The following COL22A1 variants were observed in gnomAD, a reference collection of about 807,000 sequenced individuals.
COL22A1 encodes collagen alpha-1(XXII) chain.
In COL22A1, 221 loss-of-function variants were observed where a neutral mutation model predicts 248.9. The ratio of observed to expected loss-of-function variants is 0.89; its 90% CI spans 0.80 to 0.99. The LOEUF (loss-of-function observed/expected upper bound fraction) is 0.99, where lower values mean the gene tolerates loss of function less well. Ranked by LOEUF, COL22A1 falls within the 50% of genes least tolerant of loss-of-function variation. The pLI, the probability that COL22A1 is intolerant of heterozygous loss-of-function variation, is 0.00. For synonymous variants in COL22A1, 891 were observed against 793.4 expected (o/e 1.12, Z -2.07); for missense variants, 2,240 against 2,179.0 (o/e 1.03, Z -0.56).
intron 13 of COL22A1, 146 bp downstream of exon 13, chr8:138,780,780 TG>T: frequency 1.4e-6 from 1 of 721,230 alleles, no homozygotes; most frequent in Non-Finnish European, 2.5e-6. Context: ...GCTGAGCTCC[TG>T]GTATCTGCGA....
chr8:138,664,209 G>GCGCACA (rs1440442280), intron 41 of COL22A1, among the ~76,000 whole-genome samples: 48 of 103,190 alleles, frequency 4.7e-4, no homozygotes, highest in Middle Eastern at 6.1e-3. Context: ...GCGCGCGCGC[G>GCGCACA]CACACACACA....
chr8:138,716,337 G>A lies in COL22A1; in HGVS notation c.2401-48C>T, dbSNP rs1239974988. 3.6e-6 allele frequency: 5 copies of A among 1,378,464 alleles called. No individual in the cohort carries two copies. In the South Asian group the frequency reaches 6.3e-5, roughly 17 times the overall value. 85.4% of individuals were successfully genotyped at this position (1,378,464 alleles called of 1,614,324 possible). ...AGGCGTCAACAGGAAGGCTCTCCCA[G>A]GGGCCAAGCTGCAGGCCATGTGCTC... On this transcript the variant is annotated intron_variant, in intron 28 of 64. Transcript: ENST00000303045.
intron 45 of COL22A1, among the ~76,000 whole-genome samples, chr8:138,651,979 C>A (rs963284310): frequency 6.6e-6 from 1 of 152,200 alleles, no homozygotes; most frequent in African/African-American, 2.4e-5. Context: ...TCCTGAAGAC[C>A]AGAGCTGTCG....
At chr8:138,781,103 A>G in intron 12 of COL22A1, 123 bp from the exon 13 acceptor site, 1 of 709,034 alleles carries the variant, frequency 1.4e-6, no homozygotes, top group Non-Finnish European at 2.4e-6. Flanking sequence ...GCTGCTCAAA[A>G]ATTGATCCAC....
intron 47 of COL22A1, among the ~76,000 whole-genome samples, chr8:138,642,267 C>T (rs1297564670): frequency 2.0e-5 from 3 of 152,212 alleles, no homozygotes; most frequent in East Asian, 3.9e-4. Context: ...AGTTTTGTAG[C>T]TGTGGCATTT....
chr8:138,767,106 A>G (rs904586994), intron 16 of COL22A1, among the ~76,000 whole-genome samples: 4 of 152,192 alleles, frequency 2.6e-5, no homozygotes, highest in African/African-American at 7.2e-5. Context: ...GTTTCTACAA[A>G]TAAGGAGCAT....
chr8:138,700,122 G>A lies in COL22A1; in HGVS notation c.2582C>T (p.Pro861Leu). The A allele has an allele frequency of 1.2e-6, 2 of 1,613,532 alleles. No individual in the cohort carries two copies. Among genetic ancestry groups the A allele is most frequent in the South Asian group, 2.2e-5 (2 of 90,680 alleles). ...PGTTSLFTPH[P>L]RMPGEQGPKG... ...ACCGCTACTACTTACGGGCATCCGT[G>A]GATGTGGTGTGAACAGGGATGTCTG... Residue 861 changes from proline to leucine, a missense_variant, in exon 32 of 65, where the codon CCA becomes CTA. Pro to Leu is a moderately conservative substitution (Grantham distance 98). Coordinates refer to ENST00000303045, the MANE Select transcript of COL22A1 (RefSeq NM_152888.3).
chr8:138,665,105 T>C (rs1356520442), intron 41 of COL22A1, among the ~76,000 whole-genome samples: 1 of 152,158 alleles, frequency 6.6e-6, no homozygotes, highest in Non-Finnish European at 1.5e-5. Flanking sequence ...AGCTGTCTAA[T>C]AATAAAATAG....
Position 138,750,081 on chromosome 8 carries a change from C to T in COL22A1, c.2085+1377G>A, listed in dbSNP as rs541465555. Among the ~76,000 whole-genome samples, 6 of 152,328 alleles carry T rather than the reference C, an allele frequency of 3.9e-5. No homozygotes were observed. In the East Asian group the frequency reaches 5.8e-4, roughly 15 times the overall value. On this transcript the variant is annotated intron_variant, in intron 22 of 64. Transcript: ENST00000303045. ...TTTTAAAAACAGGAGTTTCCCTACACAAGCTCCCTCTTTGCCTGCTGCCAC... is the reference window on the plus strand; with the variant it reads ...TTTTAAAAACAGGAGTTTCCCTACATAAGCTCCCTCTTTGCCTGCTGCCAC...
At chr8:138,624,373 GTGCC>G (rs1820077505) in intron 51 of COL22A1, among the ~76,000 whole-genome samples, 1 of 152,150 alleles carries the variant, frequency 6.6e-6, no homozygotes, top group Non-Finnish European at 1.5e-5. Flanking sequence ...CGTTCACAAG[GTGCC>G]AGGGAAGTAA....
chr8:138,895,535 C>G (rs1013958838), intron 1 of COL22A1, among the ~76,000 whole-genome samples: 1 of 151,680 alleles, frequency 6.6e-6, no homozygotes, highest in African/African-American at 2.4e-5. Flanking sequence ...ATAGAGCAGG[C>G]CTAAAACTAG....
intron 10 of COL22A1, among the ~76,000 whole-genome samples, chr8:138,806,450 A>T (rs145956117): frequency 1.7e-4 from 26 of 152,050 alleles, no homozygotes; most frequent in African/African-American, 5.8e-4. Context: ...GGAGAGAGAG[A>T]AAAGAGAAAG....
chr8:138,759,551 TACA>T (rs978655593), intron 18 of COL22A1, among the ~76,000 whole-genome samples: 5 of 152,332 alleles, frequency 3.3e-5, no homozygotes, highest in Non-Finnish European at 5.9e-5. Flanking sequence ...CAATCCAGAA[TACA>T]ACATCACACC....
At chr8:138,608,855 T>A (rs891236995) in intron 56 of COL22A1, among the ~76,000 whole-genome samples, 3 of 152,160 alleles carry the variant, frequency 2.0e-5, no homozygotes, top group Non-Finnish European at 4.4e-5. Context: ...CCACCACGAG[T>A]AACCCAAAGG....
intron 9 of COL22A1, among the ~76,000 whole-genome samples, chr8:138,809,672 C>T (rs578034994): frequency 6.6e-6 from 1 of 152,122 alleles, no homozygotes; most frequent in East Asian, 1.9e-4. Context: ...AGGCACACAC[C>T]ACCACGCCTG....
intron 4 of COL22A1, among the ~76,000 whole-genome samples, chr8:138,834,347 GAA>G (rs71316365): frequency 0.014 from 1,853 of 128,628 alleles, 33 homozygotes; most frequent in African/African-American, 0.049. Flanking sequence ...AAGAGAAAAA[GAA>G]AAAAAAAAAA....
chr8:138,766,658 A>G (rs1245238595), intron 16 of COL22A1, among the ~76,000 whole-genome samples: 1 of 152,184 alleles, frequency 6.6e-6, no homozygotes, highest in African/African-American at 2.4e-5. Flanking sequence ...ACAGACGCAG[A>G]GAGACCGAGA....
At chr8:138,827,068 TC>T in intron 5 of COL22A1, 1 of 399,742 alleles carries the variant, frequency 2.5e-6, no homozygotes, top group African/African-American at 2.0e-5. Flanking sequence ...TCTGATGACA[TC>T]CACAGTAAAC....
At chr8:138,861,131 A>G (rs1822425724) in intron 3 of COL22A1, among the ~76,000 whole-genome samples, 1 of 152,068 alleles carries the variant, frequency 6.6e-6, no homozygotes, top group African/African-American at 2.4e-5. Flanking sequence ...CACACTACCA[A>G]CATCCTCAGC....
Sources: allele counts gnomAD v4.1 joint callset (sites outside exome capture counted in the v4.1 genomes callset), GRCh38; gene constraint gnomAD v4.1.1; transcripts MANE v1.5; gene names NCBI Gene and HGNC (gene_info 2026-07-23, HGNC 2026-07-21).